RBFOX1: variants seen among roughly 807,000 people sequenced by gnomAD.
The protein encoded by RBFOX1 is RNA binding fox-1 homolog 1, also known as RNA binding protein fox-1 homolog 1.
Under a neutral mutation model 57.7 loss-of-function variants are expected in RBFOX1, and 8 were observed. The ratio of observed to expected loss-of-function variants is 0.14; its 90% CI spans 0.08 to 0.25. The LOEUF is 0.25. Ranked by LOEUF, RBFOX1 falls within the 10% of genes least tolerant of loss-of-function variation. The pLI, the probability that RBFOX1 is intolerant of heterozygous loss-of-function variation, is 1.00. For missense variants in RBFOX1, 611 were observed against 548.5 expected (o/e 1.11, Z -1.14); for synonymous variants, 326 against 222.4 (o/e 1.47, Z -4.15).
At chr16:5,492,886 T>G (rs959318096) in intron 2 of RBFOX1, among the ~76,000 whole-genome samples, 41 of 152,220 alleles carry the variant, frequency 2.7e-4, no homozygotes, top group African/African-American at 9.9e-4. Context: ...GGAGAGGAAA[T>G]CTGACTATGA....
At chr16:7,476,075 C>T (rs1231368226) in intron 4 of RBFOX1, among the ~76,000 whole-genome samples, 2 of 152,156 alleles carry the variant, frequency 1.3e-5, no homozygotes, top group East Asian at 1.9e-4. Flanking sequence ...AAGTGATCCT[C>T]CCACCTCAGC....
intron 5 of RBFOX1, among the ~76,000 whole-genome samples, chr16:7,566,935 T>A (rs1369978892): frequency 6.6e-6 from 1 of 151,676 alleles, no homozygotes; most frequent in East Asian, 1.9e-4. Context: ...AGTGTATCCA[T>A]GAACAAAGAA....
intron 2 of RBFOX1, among the ~76,000 whole-genome samples, chr16:6,440,295 G>T (rs1248929642): frequency 6.6e-6 from 1 of 152,092 alleles, no homozygotes; most frequent in Non-Finnish European, 1.5e-5. Flanking sequence ...CATGAAATAG[G>T]ATATTGAAGA....
At chr16:6,749,456 C>A (rs1055143290) in intron 3 of RBFOX1, among the ~76,000 whole-genome samples, 2 of 152,152 alleles carry the variant, frequency 1.3e-5, no homozygotes, top group Non-Finnish European at 2.9e-5. Flanking sequence ...TACTCATAAC[C>A]GTCCGGGGAG....
At chr16:7,650,371 C>G (rs1326903467) in intron 11 of RBFOX1, among the ~76,000 whole-genome samples, 1 of 151,520 alleles carries the variant, frequency 6.6e-6, no homozygotes, top group African/African-American at 2.4e-5. Context: ...CTATTTAAGC[C>G]AGGAATTGAT....
intron 1 of RBFOX1, among the ~76,000 whole-genome samples, chr16:6,155,388 G>A (rs1057209083): frequency 8.5e-5 from 13 of 152,206 alleles, no homozygotes; most frequent in African/African-American, 3.1e-4. Context: ...GAAACAGAGT[G>A]AGACTAGAAG....
At chr16:7,419,205 C>T (rs985187876) in intron 4 of RBFOX1, among the ~76,000 whole-genome samples, 2 of 152,090 alleles carry the variant, frequency 1.3e-5, no homozygotes, top group African/African-American at 4.8e-5. Context: ...CCACCACCGT[C>T]CCCCACCCCC....
intron 3 of RBFOX1, among the ~76,000 whole-genome samples, chr16:5,775,844 C>A (rs775781581): frequency 2.0e-5 from 3 of 152,164 alleles, no homozygotes; most frequent in African/African-American, 4.8e-5. Context: ...AAGATGCAGG[C>A]GTCCATGGGA....
chr16:5,793,849 A>C (rs1320478346), intron 3 of RBFOX1, among the ~76,000 whole-genome samples: 1 of 152,164 alleles, frequency 6.6e-6, no homozygotes, highest in African/African-American at 2.4e-5. Flanking sequence ...CATACTCACA[A>C]ATGTACTGGG....
At chr16:5,949,322 C>T (rs904522936) in intron 4 of RBFOX1, among the ~76,000 whole-genome samples, 12 of 151,796 alleles carry the variant, frequency 7.9e-5, no homozygotes, top group East Asian at 1.9e-4. Flanking sequence ...GTCAGGAGAT[C>T]GAGACCATCC....
intron 4 of RBFOX1, among the ~76,000 whole-genome samples, chr16:7,506,146 C>G (rs1478968524): frequency 7.4e-6 from 1 of 134,860 alleles, no homozygotes; most frequent in African/African-American, 2.8e-5. Flanking sequence ...GATCGCCCCA[C>G]TGCACTCCAG....
At chr16:6,675,080 T>C (rs1340009846) in intron 3 of RBFOX1, among the ~76,000 whole-genome samples, 1 of 151,934 alleles carries the variant, frequency 6.6e-6, no homozygotes, top group Non-Finnish European at 1.5e-5. Context: ...AATTTTTGTA[T>C]TTTTTTGTAG....
intron 4 of RBFOX1, among the ~76,000 whole-genome samples, chr16:7,117,216 C>T (rs1413060109): frequency 6.6e-6 from 1 of 152,104 alleles, no homozygotes. Flanking sequence ...GGCTTTGTAA[C>T]AAGGGCATTG....
In RBFOX1 at chr16:7,204,500, G is replaced by T. The variant is rs1228112763; in HGVS notation, c.27+152402G>T. Among the ~76,000 whole-genome samples, 6 of 152,072 alleles carry T rather than the reference G, an allele frequency of 3.9e-5. No homozygotes were observed. The East Asian group carries it at 1.2e-3, about 29-fold the overall frequency. On this transcript the variant is annotated intron_variant, in intron 4 of 15. Transcript: ENST00000550418. ...CTATAAAAATTATAATAGTAAATTA[G>T]CCAGGCATGGTGATATGCACCTGTA...
intron 1 of RBFOX1, among the ~76,000 whole-genome samples, chr16:6,045,028 C>T (rs1479657660): frequency 1.3e-5 from 2 of 152,140 alleles, no homozygotes; most frequent in Non-Finnish European, 2.9e-5. Context: ...GGCTGTGGCC[C>T]TAGGGACTCT....
intron 10 of RBFOX1, chr16:7,614,936 G>C (rs2058179161): frequency 6.6e-6 from 1 of 152,172 alleles, no homozygotes; most frequent in Admixed American, 6.5e-5. Context: ...TTTTTCCTAA[G>C]TTTCAACCCC....
chr16:5,799,887 T>A (rs910766627), intron 3 of RBFOX1, among the ~76,000 whole-genome samples: 1 of 152,086 alleles, frequency 6.6e-6, no homozygotes, highest in Non-Finnish European at 1.5e-5. Context: ...TTAAAATTAA[T>A]TTAAAAAAAA....
At chr16:6,345,156 T>A (rs190937359) in intron 2 of RBFOX1, among the ~76,000 whole-genome samples, 60 of 152,292 alleles carry the variant, frequency 3.9e-4, no homozygotes, top group African/African-American at 1.4e-3. Context: ...CTTAAACAGC[T>A]CCTGCTGCAG....
At chr16:6,555,454 C>T (rs1182080433) in intron 2 of RBFOX1, among the ~76,000 whole-genome samples, 1 of 152,176 alleles carries the variant, frequency 6.6e-6, no homozygotes, top group Admixed American at 6.5e-5. Flanking sequence ...AATCCCAGCA[C>T]TTTGGGAGGC....
Sources: allele counts gnomAD v4.1 joint callset (sites outside exome capture counted in the v4.1 genomes callset), GRCh38; gene constraint gnomAD v4.1.1; transcripts MANE v1.5; gene names NCBI Gene and HGNC (gene_info 2026-07-23, HGNC 2026-07-21).